PLPP1: variants seen among roughly 807,000 people sequenced by gnomAD.
PLPP1 encodes the protein lipid phosphate phosphohydrolase 1a.
A neutral mutation model predicts 31.2 loss-of-function variants in PLPP1; 24 were observed. That is an observed-to-expected ratio of 0.77 (90% confidence interval 0.56 to 1.08). The LOEUF is 1.08. Among genes scored for constraint, PLPP1 ranks in the 50% least tolerant of loss-of-function variants. The pLI is 0.00. For synonymous variants in PLPP1, 146 were observed against 126.3 expected, an observed-to-expected ratio of 1.16 and a Z score of -1.05; for missense variants, 319 against 342.7, an observed-to-expected ratio of 0.93 and a Z score of 0.55.
At chr5:55,428,604 G>T (rs572749924) in intron 4 of PLPP1, among the ~76,000 whole-genome samples, 1 of 152,280 alleles carries the variant, frequency 6.6e-6, no homozygotes, top group African/African-American at 2.4e-5. Context: ...TCCTTTAAAA[G>T]AAAGTCTATT....
intron 4 of PLPP1, among the ~76,000 whole-genome samples, chr5:55,426,526 C>CT (rs1751200266): frequency 6.6e-6 from 1 of 151,992 alleles, no homozygotes; most frequent in African/African-American, 2.4e-5. Context: ...GTCAGTTTCC[C>CT]AAGTAGCTGG....
rs116408838 is a variant in PLPP1 at position 55,481,185 on chromosome 5, C to T, written c.59-5735G>A. 3.8e-3 allele frequency among the ~76,000 whole-genome samples: 577 copies of T among 152,204 alleles called. 4 individuals carry two copies. Among genetic ancestry groups the T allele is most frequent in the African/African-American group, 0.013 (546 of 41,530 alleles). On this transcript the variant is annotated intron_variant, in intron 1 of 5. Transcript: ENST00000307259. ...TGCACAAATGCTCAGGATCTTGGAA[C>T]CATAATACAAATACTAACAGTTTTA...
chr5:55,433,144 CAAAAAAA>C (rs57495015), intron 4 of PLPP1, among the ~76,000 whole-genome samples: 16 of 125,286 alleles, frequency 1.3e-4, no homozygotes, highest in African/African-American at 3.7e-4. Flanking sequence ...CCCATCTCTA[CAAAAAAA>C]AAAAAAAAAA....
chr5:55,477,836 C>T (rs1306476802), intron 1 of PLPP1, among the ~76,000 whole-genome samples: 1 of 151,984 alleles, frequency 6.6e-6, no homozygotes, highest in Non-Finnish European at 1.5e-5. Context: ...ATTAAATTCA[C>T]AGGTGTGGTG....
chr5:55,491,021 T>A lies in PLPP1; in HGVS notation c.59-15571A>T, dbSNP rs753639621. 281 of 1,613,632 alleles carry A rather than the reference T, an allele frequency of 1.7e-4. 1 individual carries two copies. Among genetic ancestry groups the A allele is most frequent in the Non-Finnish European group, 2.3e-4 (271 of 1,179,672 alleles). On this transcript the variant is annotated intron_variant, in intron 1 of 5. Transcript: ENST00000307259. Reference sequence around the variant, plus strand: ...GACAGTGGATGTGACGGTACTGTCATGGTACGGATAGTTGATGCTGTTGTC... The same window carrying A: ...GACAGTGGATGTGACGGTACTGTCAAGGTACGGATAGTTGATGCTGTTGTC...
intron 1 of PLPP1, among the ~76,000 whole-genome samples, chr5:55,517,706 A>G (rs2111927606): frequency 6.6e-6 from 1 of 152,318 alleles, no homozygotes; most frequent in African/African-American, 2.4e-5. Flanking sequence ...TAAAATCTCT[A>G]CCACAATCTC....
chr5:55,427,151 C>T (rs1268732411), intron 4 of PLPP1, among the ~76,000 whole-genome samples: 7 of 151,788 alleles, frequency 4.6e-5, no homozygotes, highest in African/African-American at 1.7e-4. Context: ...TTATAACATT[C>T]CCTTTAAAAT....
At position 55,429,844 on chromosome 5, in the gene PLPP1, C is replaced by G. The variant is rs1168101842; in HGVS notation, c.550-3805G>C. Reference sequence around the variant, plus strand: ...TACAGGCTACCCTGTCCTGCAGATACCATCTGGGGCCAAAGTGCATGCTCC... The same window carrying G: ...TACAGGCTACCCTGTCCTGCAGATAGCATCTGGGGCCAAAGTGCATGCTCC... On this transcript the variant is annotated intron_variant, in intron 4 of 5. Transcript: ENST00000307259. Among the ~76,000 whole-genome samples, 3 of 152,048 alleles carry G rather than the reference C, an allele frequency of 2.0e-5. No homozygotes were observed. The East Asian group carries it at 5.8e-4, about 29-fold the overall frequency.
chr5:55,486,143 T>C (rs1425726742), intron 1 of PLPP1, among the ~76,000 whole-genome samples: 1 of 152,210 alleles, frequency 6.6e-6, no homozygotes. Context: ...ATATAAACTT[T>C]GATTTCTTAA....
At chr5:55,425,559 T>A in intron 5 of PLPP1, 1 of 465,590 alleles carries the variant, frequency 2.1e-6, no homozygotes, top group South Asian at 5.1e-5. Flanking sequence ...TTGCCAATAC[T>A]GAATAAAAGA....
chr5:55,489,978 G>A (rs1204338633), intron 1 of PLPP1, among the ~76,000 whole-genome samples: 5 of 152,026 alleles, frequency 3.3e-5, no homozygotes, highest in Non-Finnish European at 5.9e-5. Flanking sequence ...AGAGCCAAGG[G>A]TAAAGAAAGT....
At chr5:55,462,756 G>A (rs183005072) in intron 3 of PLPP1, among the ~76,000 whole-genome samples, 6 of 152,138 alleles carry the variant, frequency 3.9e-5, no homozygotes, top group Non-Finnish European at 5.9e-5. Context: ...GGCGGATCAC[G>A]AGGTAAGGAG....
intron 4 of PLPP1, among the ~76,000 whole-genome samples, chr5:55,433,923 G>C (rs975428901): frequency 1.3e-5 from 2 of 152,012 alleles, no homozygotes; most frequent in African/African-American, 4.8e-5. Flanking sequence ...GATCACTTGA[G>C]GTCAGGAGTT....
intron 3 of PLPP1, among the ~76,000 whole-genome samples, chr5:55,448,449 C>CTTTTT (rs11414425): frequency 6.2e-5 from 8 of 128,242 alleles, no homozygotes; most frequent in Admixed American, 8.4e-5. Flanking sequence ...ATTCTAGCAC[C>CTTTTT]TTTTTTTTTT....
At chr5:55,509,469 A>G (rs1005677805) in intron 1 of PLPP1, among the ~76,000 whole-genome samples, 4 of 152,234 alleles carry the variant, frequency 2.6e-5, no homozygotes, top group Admixed American at 2.0e-4. Flanking sequence ...GTTTTATTAT[A>G]AAAAGTTCTT....
chr5:55,530,524 A>T, intron 1 of PLPP1: 1 of 1,200,220 alleles, frequency 8.3e-7, no homozygotes, highest in East Asian at 2.3e-5. Flanking sequence ...GAATCTTCAG[A>T]GATCTGAAAG....
chr5:55,524,702 C>G (rs543508640), intron 1 of PLPP1, among the ~76,000 whole-genome samples: 7 of 152,152 alleles, frequency 4.6e-5, no homozygotes, highest in African/African-American at 1.7e-4. Context: ...CCCAGCTACT[C>G]AGGAGGTTGA....
At chr5:55,495,002 G>A (rs915572113) in intron 1 of PLPP1, among the ~76,000 whole-genome samples, 2 of 151,460 alleles carry the variant, frequency 1.3e-5, no homozygotes, top group Admixed American at 6.6e-5. Flanking sequence ...ATGGTGGCGG[G>A]CACCCAAAAT....
intron 1 of PLPP1, among the ~76,000 whole-genome samples, chr5:55,532,026 A>AAG (rs1561261373): frequency 6.6e-6 from 1 of 152,228 alleles, no homozygotes; most frequent in Non-Finnish European, 1.5e-5. Flanking sequence ...CAAGTCCTCA[A>AAG]AGCTTTCTCC....
Sources: allele counts gnomAD v4.1 joint callset (sites outside exome capture counted in the v4.1 genomes callset), GRCh38; gene constraint gnomAD v4.1.1; transcripts MANE v1.5; gene names NCBI Gene and HGNC (gene_info 2026-07-23, HGNC 2026-07-21).